CACNA2D3: variants seen among roughly 807,000 people sequenced by gnomAD.
CACNA2D3 encodes calcium voltage-gated channel auxiliary subunit alpha2delta 3.
A neutral mutation model predicts 160.6 loss-of-function variants in CACNA2D3; 60 were observed. That is an observed-to-expected ratio of 0.37 (90% CI 0.30 to 0.46). The LOEUF (loss-of-function observed/expected upper bound fraction) is 0.46, where lower values mean the gene tolerates loss of function less well. Ranked by LOEUF, CACNA2D3 falls within the 20% of genes least tolerant of loss-of-function variation. The pLI is 1.00. For missense variants in CACNA2D3, 1,205 were observed against 1,365.0 expected (o/e 0.88, Z 1.85); for synonymous variants, 558 against 492.9 (o/e 1.13, Z -1.75).
chr3:54,243,989 C>G (rs1702021218), intron 2 of CACNA2D3, among the ~76,000 whole-genome samples: 1 of 152,138 alleles, frequency 6.6e-6, no homozygotes, highest in African/African-American at 2.4e-5. Flanking sequence ...ATACAGGAGT[C>G]CTGCTCCCCC....
intron 2 of CACNA2D3, among the ~76,000 whole-genome samples, chr3:54,134,708 G>A (rs1395454350): frequency 6.6e-6 from 1 of 152,236 alleles, no homozygotes; most frequent in East Asian, 1.9e-4. Context: ...TGCCAGCAGG[G>A]ACTGCCAGAC....
At chr3:54,950,338 A>G (rs1701727719) in intron 27 of CACNA2D3, among the ~76,000 whole-genome samples, 1 of 152,180 alleles carries the variant, frequency 6.6e-6, no homozygotes, top group Non-Finnish European at 1.5e-5. Context: ...TGCAGCCACT[A>G]CAAAGGCCCC....
chr3:54,310,836 CAA>C (rs563366691), intron 2 of CACNA2D3, among the ~76,000 whole-genome samples: 86 of 152,192 alleles, frequency 5.7e-4, no homozygotes, highest in Non-Finnish European at 8.8e-4. Context: ...TTGATCATCT[CAA>C]GAGCAGTATG....
intron 34 of CACNA2D3, among the ~76,000 whole-genome samples, chr3:55,017,513 G>C (rs1703351185): frequency 6.6e-6 from 1 of 152,006 alleles, no homozygotes; most frequent in South Asian, 2.1e-4. Flanking sequence ...AATATACATT[G>C]TTTTATTTAC....
chr3:54,364,116 G>T (rs1698789756), intron 3 of CACNA2D3, among the ~76,000 whole-genome samples: 1 of 152,164 alleles, frequency 6.6e-6, no homozygotes, highest in South Asian at 2.1e-4. Context: ...GTATGCGCTG[G>T]GCAGACCCCA....
At chr3:54,871,692 T>TCGCC in intron 18 of CACNA2D3, 70 bp downstream of exon 18, 3 of 1,235,942 alleles carry the variant, frequency 2.4e-6, no homozygotes, top group Non-Finnish European at 3.5e-6. Context: ...CTGGGGGCGA[T>TCGCC]CCCAGGAGTT....
intron 21 of CACNA2D3, among the ~76,000 whole-genome samples, chr3:54,884,094 G>C (rs78992429): frequency 0.023 from 3,474 of 152,216 alleles, 128 homozygotes; most frequent in African/African-American, 0.079. Flanking sequence ...GGAATGGGAG[G>C]AGGGCAAAAG....
intron 5 of CACNA2D3, among the ~76,000 whole-genome samples, chr3:54,539,667 TC>T (rs1273186101): frequency 1.3e-5 from 2 of 152,216 alleles, no homozygotes; most frequent in African/African-American, 2.4e-5. Context: ...TTCTGAATAG[TC>T]ATCTCTGTTT....
intron 2 of CACNA2D3, among the ~76,000 whole-genome samples, chr3:54,140,682 G>A (rs1056567954): frequency 3.3e-5 from 5 of 152,146 alleles, no homozygotes; most frequent in East Asian, 1.9e-4. Context: ...GGCAAGTCAC[G>A]TCACCTCTCT....
At position 55,004,802 on chromosome 3, in the gene CACNA2D3, C is replaced by G. The variant is rs375857915; in HGVS notation, c.2730C>G (p.Asn910Lys). 1 of 1,613,378 alleles carries G rather than the reference C, an allele frequency of 6.2e-7. No homozygotes were observed. Among genetic ancestry groups the G allele is most frequent in the African/African-American group, 1.3e-5 (1 of 74,836 alleles). The change falls in exon 32 of 38, where the codon AAC becomes AAG. Residue 910 changes from asparagine to lysine, a missense_variant. By Grantham distance (94) the Asn-to-Lys change is moderately conservative (BLOSUM62 0). Transcript: ENST00000474759. ...LYDYQAMCRA[N>K]KESSDGAHGL... ...ACTACCAAGCCATGTGTAGAGCCAA[C>G]AAGGAAAGCAGCGATGGCGCCCATG...
At chr3:55,031,459 G>C (rs551843146) in intron 35 of CACNA2D3, among the ~76,000 whole-genome samples, 1 of 152,326 alleles carries the variant, frequency 6.6e-6, no homozygotes, top group East Asian at 1.9e-4. Context: ...AATGCTGCCT[G>C]AAATGCAGCA....
chr3:55,053,307 T>A (rs1374066688), intron 35 of CACNA2D3, among the ~76,000 whole-genome samples: 1 of 152,032 alleles, frequency 6.6e-6, no homozygotes, highest in Non-Finnish European at 1.5e-5. Flanking sequence ...TATTTTGAGA[T>A]TCACCATGTT....
chr3:54,727,097 G>T (rs1294683306), intron 11 of CACNA2D3, among the ~76,000 whole-genome samples: 1 of 152,130 alleles, frequency 6.6e-6, no homozygotes, highest in African/African-American at 2.4e-5. Context: ...GTGGGCAAAG[G>T]ATATGAACAG....
Position 54,198,663 on chromosome 3 carries a change from A to G in CACNA2D3, c.204+75069A>G, listed in dbSNP as rs144997152. On this transcript the variant is annotated intron_variant, in intron 2 of 37. Coordinates refer to ENST00000474759, the MANE Select transcript of CACNA2D3 (RefSeq NM_018398.3). ...AAAGGAAGACACTCAGCTTGGGAGC[A>G]CTGTGGGATTCAAGGTTTCATATCT... Among the ~76,000 whole-genome samples, 989 of 152,368 alleles carry G rather than the reference A, an allele frequency of 6.5e-3. 1 individual carries two copies. Among genetic ancestry groups the G allele is most frequent in the Non-Finnish European group, 9.8e-3 (666 of 68,032 alleles).
intron 9 of CACNA2D3, among the ~76,000 whole-genome samples, chr3:54,613,780 A>G (rs756180808): frequency 1.5e-4 from 23 of 152,124 alleles, no homozygotes; most frequent in Non-Finnish European, 2.9e-4. Flanking sequence ...CTTTGTTACA[A>G]TTATTTGTGT....
chr3:54,938,743 A>G (rs1351062260), intron 27 of CACNA2D3, among the ~76,000 whole-genome samples: 1 of 152,142 alleles, frequency 6.6e-6, no homozygotes, highest in African/African-American at 2.4e-5. Context: ...TTCAAGGGAA[A>G]CACAAAATTT....
intron 2 of CACNA2D3, among the ~76,000 whole-genome samples, chr3:54,315,934 A>T (rs1703849817): frequency 6.6e-6 from 1 of 152,230 alleles, no homozygotes; most frequent in Non-Finnish European, 1.5e-5. Context: ...CAACTTATAT[A>T]TATTTTTGAA....
At chr3:54,135,316 C>G (rs1418672959) in intron 2 of CACNA2D3, among the ~76,000 whole-genome samples, 1 of 152,230 alleles carries the variant, frequency 6.6e-6, no homozygotes, top group Non-Finnish European at 1.5e-5. Flanking sequence ...GGTGATCTCA[C>G]TGCTGCACCC....
intron 4 of CACNA2D3, among the ~76,000 whole-genome samples, chr3:54,447,473 A>G (rs1054525958): frequency 3.9e-5 from 6 of 152,192 alleles, no homozygotes; most frequent in African/African-American, 1.4e-4. Flanking sequence ...TGTGTCAGTC[A>G]AATGTTGTAT....
Sources: gnomAD v4.1 joint callset for allele counts (sites outside exome capture counted in the v4.1 genomes callset) on GRCh38, gnomAD v4.1.1 for gene constraint, MANE v1.5 for transcripts, NCBI Gene and HGNC (gene_info 2026-07-23, HGNC 2026-07-21) for gene names.